Variants in MRTFB observed in about 807,000 individuals in gnomAD.
MRTFB encodes myocardin related transcription factor B.
A neutral mutation model predicts 104.2 loss-of-function variants in MRTFB; 29 were observed. The ratio of observed to expected loss-of-function variants is 0.28; its 90% CI spans 0.21 to 0.38. The LOEUF (loss-of-function observed/expected upper bound fraction) is 0.38, where lower values mean the gene tolerates loss of function less well. MRTFB is among the 10% of genes least tolerant of loss of function. The pLI is 1.00. For missense variants in MRTFB, 1,270 were observed against 1,341.6 expected, an observed-to-expected ratio of 0.95 and a Z score of 0.83; for synonymous variants, 535 against 519.5, an observed-to-expected ratio of 1.03 and a Z score of -0.41.
chr16:14,229,221 A>C (rs979335437), intron 8 of MRTFB, among the ~76,000 whole-genome samples: 10 of 152,210 alleles, frequency 6.6e-5, no homozygotes, highest in African/African-American at 2.4e-4. Flanking sequence ...TTATTCTAAA[A>C]GTGAAATGCT....
chr16:14,208,534 A>G (rs1033817779), intron 3 of MRTFB, among the ~76,000 whole-genome samples: 1 of 152,192 alleles, frequency 6.6e-6, no homozygotes, highest in African/African-American at 2.4e-5. Context: ...GACATGGACC[A>G]CCATGTTCCA....
At chr16:14,142,436 G>C (rs1374844361) in intron 3 of MRTFB, 1 of 151,858 alleles carries the variant, frequency 6.6e-6, no homozygotes, top group Non-Finnish European at 1.5e-5. Flanking sequence ...TTAGTAGAGA[G>C]ACGGGGTTTC....
In MRTFB at chr16:14,261,053, C is replaced by T. The variant is rs747730918; in HGVS notation, c.2909C>T (p.Pro970Leu). 10 of 1,614,208 alleles carry T rather than the reference C, an allele frequency of 6.2e-6. No individual in the cohort carries two copies. In the South Asian group the frequency reaches 9.9e-5, roughly 16 times the overall value. ...VQMAPPVSLE[P>L]MGSLSASLEN... ...ATGGCACCACCTGTATCTTTAGAAC[C>T]TATGGGCAGTTTATCTGCCAGCTTA... is the stretch of plus-strand genomic sequence containing the variant. The change falls in exon 17 of 17, where the codon CCT becomes CTT. Residue 970 changes from proline (P) to leucine (L), a missense_variant. By Grantham distance (98) the Pro-to-Leu change is moderately conservative (BLOSUM62 -3). Around this residue, in one of 3 missense-constraint regions of MRTFB, gnomAD observed 1,144 missense variants for 1,131.5 expected, o/e 1.01. Coordinates refer to ENST00000571589, the MANE Select transcript of MRTFB (RefSeq NM_001308142.2).
intron 3 of MRTFB, chr16:14,142,280 T>G (rs1332592744): frequency 7.1e-6 from 1 of 141,530 alleles, no homozygotes; most frequent in Non-Finnish European, 1.5e-5. Flanking sequence ...GGAGTCTCAC[T>G]CTGTCGCCCA....
intron 9 of MRTFB, among the ~76,000 whole-genome samples, chr16:14,236,121 C>T (rs1283540057): frequency 6.6e-6 from 1 of 151,262 alleles, no homozygotes; most frequent in Middle Eastern, 3.2e-3. Flanking sequence ...GTTAAGGCTG[C>T]AGTGAGCTGA....
rs996672766 is a variant in MRTFB, at chr16:14,113,689, G to A, written c.-63-26855G>A. Among the ~76,000 whole-genome samples, 6 of 152,240 alleles carry A rather than the reference G, an allele frequency of 3.9e-5. No individual in the cohort carries two copies. In the East Asian group the frequency reaches 1.2e-3, roughly 29 times the overall value. ...GACAACATGGAGAGAAAAACTACCA[G>A]TCAGGCCCATAATCATTAAGGAATT... On this transcript the variant is annotated intron_variant, in intron 2 of 16. Coordinates refer to ENST00000571589, the MANE Select transcript of MRTFB (RefSeq NM_001308142.2).
chr16:14,189,636 A>C (rs1234749587), intron 3 of MRTFB, among the ~76,000 whole-genome samples: 1 of 152,192 alleles, frequency 6.6e-6, no homozygotes, highest in African/African-American at 2.4e-5. Flanking sequence ...CATTTTTGGA[A>C]AACTTGTTTT....
the MRTFB span, among the ~76,000 whole-genome samples, chr16:13,997,918 C>T: frequency 6.6e-6 from 1 of 151,904 alleles, no homozygotes; most frequent in African/African-American, 2.4e-5. Flanking sequence ...CCTCATGGAG[C>T]TTACCGTCTA....
intron 3 of MRTFB, among the ~76,000 whole-genome samples, chr16:14,159,798 C>G (rs369173204): frequency 6.7e-6 from 1 of 149,922 alleles, no homozygotes; most frequent in Non-Finnish European, 1.5e-5. Context: ...GGCGTAGTGG[C>G]GGGCGCCTGT....
chr16:14,003,908 C>T, the MRTFB span, among the ~76,000 whole-genome samples: 4 of 152,160 alleles, frequency 2.6e-5, no homozygotes, highest in Non-Finnish European at 4.4e-5. Flanking sequence ...TCAAGGGAAC[C>T]TGGGCAACTT....
chr16:14,234,797 TA>T (rs201458806), intron 9 of MRTFB, among the ~76,000 whole-genome samples: 2 of 150,392 alleles, frequency 1.3e-5, no homozygotes, highest in Non-Finnish European at 3.0e-5. Context: ...CCTGTCTCTT[TA>T]AAAAAAAACA....
the MRTFB span, among the ~76,000 whole-genome samples, chr16:13,997,709 C>T: frequency 6.9e-6 from 1 of 145,498 alleles, no homozygotes; most frequent in Non-Finnish European, 1.5e-5. Context: ...AGGGGGATAG[C>T]TTGAGCCCAG....
intron 2 of MRTFB, among the ~76,000 whole-genome samples, chr16:14,084,789 C>G (rs2034602797): frequency 6.6e-6 from 1 of 152,008 alleles, no homozygotes; most frequent in African/African-American, 2.4e-5. Flanking sequence ...TTATATTTGC[C>G]TTAGATTTTA....
intron 4 of MRTFB, 108 bp downstream of exon 4, chr16:14,210,416 A>G: frequency 2.6e-6 from 2 of 777,814 alleles, no homozygotes; most frequent in Non-Finnish European, 4.1e-6. Flanking sequence ...TTTAATCAAC[A>G]AACAATTACC....
At chr16:14,132,251 T>A (rs558476764) in intron 2 of MRTFB, among the ~76,000 whole-genome samples, 2 of 152,118 alleles carry the variant, frequency 1.3e-5, no homozygotes, top group East Asian at 3.9e-4. Context: ...GAAAGTAGAT[T>A]AGTGGTTGCC....
At chr16:14,145,176 A>T (rs1418939063) in intron 3 of MRTFB, among the ~76,000 whole-genome samples, 1 of 151,682 alleles carries the variant, frequency 6.6e-6, no homozygotes, top group East Asian at 1.9e-4. Flanking sequence ...TTCATTTTTT[A>T]GGTCTTCTTA....
At chr16:14,124,071 T>C (rs935983429) in intron 2 of MRTFB, among the ~76,000 whole-genome samples, 5 of 152,200 alleles carry the variant, frequency 3.3e-5, no homozygotes, top group African/African-American at 1.2e-4. Flanking sequence ...TCTCTGTCTG[T>C]TATTGGTGTA....
intron 2 of MRTFB, among the ~76,000 whole-genome samples, chr16:14,104,891 T>C (rs2142091460): frequency 6.6e-6 from 1 of 152,326 alleles, no homozygotes; most frequent in South Asian, 2.1e-4. Flanking sequence ...ACATTGTAGC[T>C]GAGTAGTTAG....
intron 3 of MRTFB, among the ~76,000 whole-genome samples, chr16:14,154,924 A>G (rs1489722459): frequency 6.6e-6 from 1 of 152,228 alleles, no homozygotes; most frequent in Non-Finnish European, 1.5e-5. Flanking sequence ...AATCTCTTGT[A>G]GCATTCCTTA....
Sources: allele counts gnomAD v4.1 joint callset (sites outside exome capture counted in the v4.1 genomes callset), GRCh38; gene constraint gnomAD v4.1.1; regional missense constraint gnomAD v4.1.1; transcripts MANE v1.5; gene names NCBI Gene and HGNC (gene_info 2026-07-23, HGNC 2026-07-21).